Variants in ANKS1A observed in about 807,000 individuals in gnomAD.
ANKS1A encodes the protein ankyrin repeat and sterile alpha motif domain containing 1A.
In ANKS1A, 55 loss-of-function variants were observed where a neutral mutation model predicts 120.3. The observed-to-expected ratio is 0.46, with a 90% CI of 0.37 to 0.57. The LOEUF is 0.57. Among genes scored for constraint, ANKS1A ranks in the 20% least tolerant of loss-of-function variants. ANKS1A has a pLI of 0.00. For missense variants in ANKS1A, 1,123 were observed against 1,480.3 expected (o/e 0.76, Z 3.96); for synonymous variants, 590 against 604.7 (o/e 0.98, Z 0.36).
At chr6:35,069,099 G>A (rs1347971084) in intron 13 of ANKS1A, among the ~76,000 whole-genome samples, 1 of 152,158 alleles carries the variant, frequency 6.6e-6, no homozygotes, top group Non-Finnish European at 1.5e-5. Flanking sequence ...GAGTGGGGCA[G>A]GTGATAGGGT....
rs1053137435 is a variant in ANKS1A, at chr6:34,981,941, C to T, written c.687C>T (p.Ala229=). 9 of 1,614,028 alleles carry T rather than the reference C, an allele frequency of 5.6e-6. No individual in the cohort carries two copies. The highest frequency in any genetic ancestry group is 1.1e-5 in the South Asian group (1 of 91,088). The change falls in exon 4 of 24, where the codon GCC becomes GCT. Residue 229 remains alanine, a synonymous_variant. Transcript: ENST00000360359. ...LHLAARNGHK[A]VVQVLLDAGM... ...TGGCAGCAAGGAATGGCCACAAAGC[C>T]GTGGTCCAGGTCCTCCTCGATGCTG...
chr6:34,937,155 G>C (rs1769296219), intron 1 of ANKS1A, among the ~76,000 whole-genome samples: 1 of 152,112 alleles, frequency 6.6e-6, no homozygotes. Flanking sequence ...TGACATTATG[G>C]CTTTGGGCTC....
intron 1 of ANKS1A, among the ~76,000 whole-genome samples, chr6:34,950,911 G>A (rs1396607564): frequency 6.6e-6 from 1 of 152,186 alleles, no homozygotes; most frequent in East Asian, 1.9e-4. Context: ...GCCCTAGAGG[G>A]CTTTGAGGAG....
At chr6:35,078,802 G>A in intron 14 of ANKS1A, 146 bp downstream of exon 14, 2 of 722,602 alleles carry the variant, frequency 2.8e-6, no homozygotes, top group Non-Finnish European at 4.6e-6. Flanking sequence ...AGGAGCTCCG[G>A]AAGGGCCGCA....
At chr6:34,922,313 TG>T (rs1229289963) in intron 1 of ANKS1A, among the ~76,000 whole-genome samples, 2 of 152,182 alleles carry the variant, frequency 1.3e-5, no homozygotes, top group East Asian at 3.8e-4. Flanking sequence ...GTAATATGTC[TG>T]AGGTCATAGA....
chr6:34,903,929 A>G lies in ANKS1A; in HGVS notation c.197+14330A>G, dbSNP rs187375039. Among the ~76,000 whole-genome samples the G allele has an allele frequency of 8.1e-4, 123 of 152,322 alleles. 1 individual carries two copies. Among genetic ancestry groups the G allele is most frequent in the Middle Eastern group, 3.4e-3 (1 of 294 alleles). ...AGCCTTGAACTCTTGGCCTCAAGCA[A>G]TCTTTCTGCCTTGGCCTCCCAAGGT... On this transcript the variant is annotated intron_variant, in intron 1 of 23. Coordinates refer to ENST00000360359, the MANE Select transcript of ANKS1A (RefSeq NM_015245.3).
chr6:34,969,675 C>G (rs995076142), intron 2 of ANKS1A, among the ~76,000 whole-genome samples: 1 of 152,178 alleles, frequency 6.6e-6, no homozygotes, highest in Non-Finnish European at 1.5e-5. Context: ...AAATTCAACA[C>G]TTGAATGCTG....
intron 11 of ANKS1A, among the ~76,000 whole-genome samples, chr6:35,048,799 G>A (rs1014231549): frequency 6.6e-6 from 1 of 152,224 alleles, no homozygotes; most frequent in Non-Finnish European, 1.5e-5. Flanking sequence ...TTTGACGTCA[G>A]CAGTCGCCTG....
At chr6:35,029,751 ATACATATATAAT>A (rs1194007278) in intron 11 of ANKS1A, among the ~76,000 whole-genome samples, 3 of 148,416 alleles carry the variant, frequency 2.0e-5, no homozygotes, top group African/African-American at 7.3e-5. Context: ...ATTATTACAT[ATACATATATAAT>A]TACATATATA....
chr6:35,019,035 T>C (rs1011288249), intron 11 of ANKS1A, among the ~76,000 whole-genome samples: 4 of 152,164 alleles, frequency 2.6e-5, no homozygotes, highest in East Asian at 1.9e-4. Flanking sequence ...GAAATGAAGA[T>C]TGGGGAGTAG....
intron 11 of ANKS1A, among the ~76,000 whole-genome samples, chr6:35,039,944 C>T (rs1283863019): frequency 2.0e-5 from 3 of 152,186 alleles, no homozygotes; most frequent in African/African-American, 7.2e-5. Flanking sequence ...GGCTTAGAAA[C>T]GGCTGCCTTC....
chr6:35,010,708 CA>C (rs995500820), intron 10 of ANKS1A, among the ~76,000 whole-genome samples: 19 of 152,056 alleles, frequency 1.2e-4, no homozygotes, highest in African/African-American at 4.4e-4. Flanking sequence ...AAGGGTTAGG[CA>C]GTTAGAAGGC....
chr6:35,025,253 C>T (rs1428588309), intron 11 of ANKS1A, among the ~76,000 whole-genome samples: 2 of 147,628 alleles, frequency 1.4e-5, no homozygotes, highest in Non-Finnish European at 3.0e-5. Flanking sequence ...TATGTGTATA[C>T]ACACACACAC....
chr6:35,054,967 A>G (rs1776133971), intron 12 of ANKS1A, among the ~76,000 whole-genome samples: 1 of 152,222 alleles, frequency 6.6e-6, no homozygotes, highest in South Asian at 2.1e-4. Flanking sequence ...CCTTCATGGA[A>G]ATGCCTCTCT....
chr6:35,025,066 AGTC>A (rs1378879290), intron 11 of ANKS1A, among the ~76,000 whole-genome samples: 1 of 152,144 alleles, frequency 6.6e-6, no homozygotes, highest in Non-Finnish European at 1.5e-5. Context: ...TATACAGAGT[AGTC>A]ACAACTGTTA....
intron 11 of ANKS1A, among the ~76,000 whole-genome samples, chr6:35,052,561 C>T (rs1234113418): frequency 2.1e-5 from 3 of 145,024 alleles, no homozygotes; most frequent in Non-Finnish European, 4.5e-5. Context: ...CACTTGAGTC[C>T]AGGAGTTTGA....
intron 11 of ANKS1A, among the ~76,000 whole-genome samples, chr6:35,039,192 C>CTTTTTTTTTTTTTTTT (rs35565672): frequency 1.2e-5 from 1 of 83,788 alleles, no homozygotes. Flanking sequence ...CTCCCTCATA[C>CTTTTTTTTTTTTTTTT]TTTTTTTTTT....
intron 3 of ANKS1A, among the ~76,000 whole-genome samples, chr6:34,973,993 GT>G (rs1771355511): frequency 2.9e-5 from 1 of 33,912 alleles, no homozygotes; most frequent in Non-Finnish European, 5.2e-5. Flanking sequence ...CCCTTCCCTT[GT>G]GCTTCCCCTT....
chr6:34,889,699 G>A lies in ANKS1A; in HGVS notation c.197+100G>A, dbSNP rs1189405717. 2.5e-6 allele frequency: 3 copies of A among 1,178,022 alleles called. No individual in the cohort carries two copies. Among genetic ancestry groups the A allele is most frequent in the Non-Finnish European group, 3.1e-6 (3 of 955,304 alleles). 73.0% of individuals were successfully genotyped at this position (1,178,022 alleles called of 1,614,324 possible). A position where few individuals can be genotyped will look rare whatever the true frequency, so the allele number is the denominator to read the frequency against. ...ATCGGGGGTCCTGAGACTCGGGCGG[G>A]GTGGGCTTGTGGCGTGCCCGGGGCG... On this transcript the variant is annotated intron_variant, in intron 1 of 23. Transcript: ENST00000360359. The surrounding 1 kb of genome is among the most constrained non-coding windows in gnomAD (Gnocchi z 5.5).
Sources: gnomAD v4.1 joint callset for allele counts (sites outside exome capture counted in the v4.1 genomes callset) on GRCh38, gnomAD v4.1.1 for gene constraint, Gnocchi (gnomAD v3.1) non-coding constraint, MANE v1.5 for transcripts, NCBI Gene and HGNC (gene_info 2026-07-23, HGNC 2026-07-21) for gene names.